The following DCUN1D1 variants were observed in gnomAD, a reference collection of about 807,000 sequenced individuals.
DCUN1D1 encodes the protein DCN1-like protein 1.
DCUN1D1 carries 3 observed loss-of-function variants against 39.0 expected under a neutral mutation model. The ratio of observed to expected loss-of-function variants is 0.08; its 90% CI spans 0.04 to 0.20. DCUN1D1 has a LOEUF of 0.20. DCUN1D1 is among the 10% of genes least tolerant of loss of function. The pLI, the probability that DCUN1D1 is intolerant of heterozygous loss-of-function variation, is 1.00. For missense variants in DCUN1D1, 158 were observed against 302.4 expected, an observed-to-expected ratio of 0.52 and a Z score of 3.54; for synonymous variants, 82 against 96.3, an observed-to-expected ratio of 0.85 and a Z score of 0.87.
At chr3:182,966,647 C>T (rs1727682069) in intron 1 of DCUN1D1, among the ~76,000 whole-genome samples, 1 of 152,176 alleles carries the variant, frequency 6.6e-6, no homozygotes, top group African/African-American at 2.4e-5. Flanking sequence ...ACCATGTTCT[C>T]CCTTCCCTCT....
intron 4 of DCUN1D1, among the ~76,000 whole-genome samples, chr3:182,949,256 G>A (rs1468631175): frequency 6.6e-6 from 1 of 152,010 alleles, no homozygotes; most frequent in Non-Finnish European, 1.5e-5. Context: ...CCAACTACTT[G>A]GGAGGCTGAG....
chr3:182,958,536 A>G lies in DCUN1D1; in HGVS notation c.520+2690T>C, dbSNP rs966775014. On this transcript the variant is annotated intron_variant, in intron 4 of 6. Coordinates refer to ENST00000292782, the MANE Select transcript of DCUN1D1 (RefSeq NM_020640.4). Reference sequence around the variant, plus strand: ...TAACATTTTCATTGTAGTTAAATACATATAACATAAAGTTTATCATCTGAA... The same window carrying G: ...TAACATTTTCATTGTAGTTAAATACGTATAACATAAAGTTTATCATCTGAA... Among the ~76,000 whole-genome samples the G allele has an allele frequency of 5.9e-5, 9 of 152,318 alleles. No individual in the cohort carries two copies. In the South Asian group the frequency reaches 1.7e-3, roughly 28 times the overall value.
chr3:182,963,786 G>A, intron 3 of DCUN1D1, 95 bp downstream of exon 3: 3 of 1,072,264 alleles, frequency 2.8e-6, no homozygotes, highest in Non-Finnish European at 2.7e-6. Context: ...CAATGTTTGT[G>A]GGCCAGCAAA....
intron 4 of DCUN1D1, chr3:182,955,578 T>TCC: frequency 2.0e-6 from 1 of 493,458 alleles, no homozygotes; most frequent in Non-Finnish European, 4.0e-6. Flanking sequence ...GCTGACATAC[T>TCC]CCATCAGGAG....
At chr3:182,959,257 T>C (rs1279758125) in intron 4 of DCUN1D1, among the ~76,000 whole-genome samples, 3 of 152,168 alleles carry the variant, frequency 2.0e-5, no homozygotes, top group Non-Finnish European at 4.4e-5. Context: ...TTATTGAGAA[T>C]TTCGCTTTAC....
intron 4 of DCUN1D1, chr3:182,956,211 G>GCCAC (rs2108637520): frequency 7.7e-6 from 2 of 259,772 alleles, no homozygotes; most frequent in East Asian, 1.9e-4. Flanking sequence ...ATAGGCGTGA[G>GCCAC]CCACCATGCC....
chr3:182,962,198 C>A (rs1727433019), intron 3 of DCUN1D1, among the ~76,000 whole-genome samples: 1 of 152,172 alleles, frequency 6.6e-6, no homozygotes, highest in African/African-American at 2.4e-5. Context: ...CCTGTCCTAG[C>A]ACAGAAAATC....
upstream of DCUN1D1, chr3:182,980,564 T>C: frequency 4.3e-6 from 5 of 1,175,116 alleles, no homozygotes; most frequent in Non-Finnish European, 3.2e-6. Flanking sequence ...CGGCGGCTCC[T>C]CTCACGGGCT....
upstream of DCUN1D1, among the ~76,000 whole-genome samples, chr3:182,984,737 T>G (rs1317384175): frequency 3.9e-5 from 6 of 152,222 alleles, no homozygotes; most frequent in African/African-American, 1.2e-4. Context: ...TAATATTCAC[T>G]GATAAAATAG....
In DCUN1D1 at chr3:182,939,030, C is replaced by T. The variant is rs1676384816; in HGVS notation, c.*6064G>A. The stretch of plus-strand genomic sequence containing the variant: ...GTATTATTATTACCCTCACTGACTA[C>T]AGAAAATACTACCTCCAAGAGAGTA... On this transcript the variant is annotated 3_prime_UTR_variant, in exon 7 of 7. Coordinates refer to ENST00000292782, the MANE Select transcript of DCUN1D1 (RefSeq NM_020640.4). 1 of 152,224 alleles carries T rather than the reference C, an allele frequency of 6.6e-6. No individual in the cohort carries two copies. The highest frequency in any genetic ancestry group is 6.5e-5 in the Admixed American group (1 of 15,276). The allele number at this position is 152,224 out of a possible 1,614,324, so 9.4% of individuals were successfully genotyped here.
intron 4 of DCUN1D1, among the ~76,000 whole-genome samples, chr3:182,948,034 A>G (rs1401891694): frequency 1.3e-5 from 2 of 152,192 alleles, no homozygotes; most frequent in African/African-American, 4.8e-5. Context: ...TAGGAAATTT[A>G]GCAATATCTC....
chr3:182,979,240 T>A (rs1233282018), intron 1 of DCUN1D1, among the ~76,000 whole-genome samples: 1 of 152,202 alleles, frequency 6.6e-6, no homozygotes, highest in Non-Finnish European at 1.5e-5. Context: ...GTTAAATATG[T>A]GTCAGACTAA....
chr3:182,982,163 G>T (rs931365755), upstream of DCUN1D1, among the ~76,000 whole-genome samples: 1 of 152,170 alleles, frequency 6.6e-6, no homozygotes, highest in Admixed American at 6.5e-5. Flanking sequence ...CCTCTCGCCT[G>T]CGTTTGGACA....
At chr3:182,945,616 A>T (rs1041554850) in intron 6 of DCUN1D1, among the ~76,000 whole-genome samples, 6 of 152,126 alleles carry the variant, frequency 3.9e-5, no homozygotes, top group African/African-American at 1.4e-4. Flanking sequence ...AAACAAACAA[A>T]CAAAAAACTG....
intron 4 of DCUN1D1, among the ~76,000 whole-genome samples, chr3:182,953,824 G>A (rs1726878109): frequency 6.6e-6 from 1 of 152,142 alleles, no homozygotes; most frequent in African/African-American, 2.4e-5. Flanking sequence ...GATCCTTGCA[G>A]AATAAATCCT....
At chr3:182,968,326 T>G (rs1462686885) in intron 1 of DCUN1D1, among the ~76,000 whole-genome samples, 1 of 152,200 alleles carries the variant, frequency 6.6e-6, no homozygotes, top group African/African-American at 2.4e-5. Context: ...TCATATAGTT[T>G]TAAATCCAGT....
intron 1 of DCUN1D1, chr3:182,985,802 G>C (rs919609022): frequency 2.0e-5 from 3 of 152,156 alleles, no homozygotes; most frequent in Non-Finnish European, 4.4e-5. Flanking sequence ...CTTCTAAAAA[G>C]GAAAATGGGA....
chr3:182,960,867 T>C (rs759724712), intron 4 of DCUN1D1, among the ~76,000 whole-genome samples: 4 of 152,302 alleles, frequency 2.6e-5, no homozygotes, highest in African/African-American at 4.8e-5. Context: ...AGAAATCTTA[T>C]AGTGCTATTT....
intron 4 of DCUN1D1, chr3:182,956,269 A>G: frequency 3.5e-6 from 1 of 287,088 alleles, no homozygotes; most frequent in South Asian, 4.3e-5. Context: ...GGTGCTTCTG[A>G]GGCCTGGAAT....
Sources: allele counts gnomAD v4.1 joint callset (sites outside exome capture counted in the v4.1 genomes callset), GRCh38; gene constraint gnomAD v4.1.1; transcripts MANE v1.5; gene names NCBI Gene and HGNC (gene_info 2026-07-23, HGNC 2026-07-21).